The following TANC2 variants were observed in gnomAD, a reference collection of about 807,000 sequenced individuals.
TANC2 encodes the protein tetratricopeptide repeat, ankyrin repeat and coiled-coil containing 2.
TANC2 carries 26 observed loss-of-function variants against 210.5 expected under a neutral mutation model. That is an observed-to-expected ratio of 0.12 (90% confidence interval 0.09 to 0.17). TANC2 has a LOEUF of 0.17. Among genes scored for constraint, TANC2 ranks in the 10% least tolerant of loss-of-function variants. The pLI is 1.00. For synonymous variants in TANC2, 931 were observed against 967.1 expected, an observed-to-expected ratio of 0.96 and a Z score of 0.69; for missense variants, 2,129 against 2,608.9, an observed-to-expected ratio of 0.82 and a Z score of 4.01.
In TANC2 at chr17:63,014,583, T is replaced by G. The variant is rs150495220; in HGVS notation, c.67+4957T>G. ...TGAACTAATTTTTCCGAGTCTGTGT[T>G]ATTGTGCATGGCCACTAATGTCTTT... On this transcript the variant is annotated intron_variant, in intron 2 of 27. Transcript: ENST00000689528. Among the ~76,000 whole-genome samples, 467 of 152,320 alleles carry G rather than the reference T, an allele frequency of 3.1e-3. 3 individuals carry two copies. Among genetic ancestry groups the G allele is most frequent in the Admixed American group, 4.0e-3 (61 of 15,298 alleles).
intron 4 of TANC2, chr17:63,149,213 C>T (rs1006675751): frequency 9.9e-5 from 15 of 151,980 alleles, no homozygotes; most frequent in African/African-American, 3.6e-4. Flanking sequence ...ATTTTTTTTC[C>T]TCTGCCAGAT....
At chr17:63,021,352 T>C (rs1010157175) in intron 2 of TANC2, among the ~76,000 whole-genome samples, 2 of 152,218 alleles carry the variant, frequency 1.3e-5, no homozygotes, top group Admixed American at 1.3e-4. Flanking sequence ...GTAGTACCTT[T>C]AAGAGATGAG....
chr17:63,392,633 G>C (rs1223226294), intron 17 of TANC2, among the ~76,000 whole-genome samples: 1 of 152,054 alleles, frequency 6.6e-6, no homozygotes, highest in Non-Finnish European at 1.5e-5. Context: ...AGCTTTTGTA[G>C]AGCTTTTATT....
intron 7 of TANC2, among the ~76,000 whole-genome samples, chr17:63,224,837 C>G (rs918329704): frequency 6.6e-6 from 1 of 152,126 alleles, no homozygotes; most frequent in Non-Finnish European, 1.5e-5. Flanking sequence ...TAATCTCCAC[C>G]ACCATGAATC....
At chr17:63,389,669 A>T in intron 17 of TANC2, 125 bp downstream of exon 17, 1 of 954,666 alleles carries the variant, frequency 1.0e-6, no homozygotes, top group South Asian at 1.5e-5. Flanking sequence ...TGGAGAGGAG[A>T]TCAGAGAGAG....
intron 1 of TANC2, among the ~76,000 whole-genome samples, chr17:62,993,082 C>G (rs1302034534): frequency 2.6e-5 from 4 of 152,152 alleles, no homozygotes; most frequent in Non-Finnish European, 4.4e-5. Flanking sequence ...CTTCTACTTC[C>G]CTTTTCCATT....
intron 1 of TANC2, among the ~76,000 whole-genome samples, chr17:62,975,421 G>T (rs1384193485): frequency 1.3e-5 from 2 of 152,148 alleles, no homozygotes; most frequent in African/African-American, 2.4e-5. Flanking sequence ...TAGTGTGAAT[G>T]AATGTAAATA....
chr17:63,164,955 C>T (rs894696114), intron 5 of TANC2, among the ~76,000 whole-genome samples: 2 of 152,112 alleles, frequency 1.3e-5, no homozygotes, highest in Admixed American at 1.3e-4. Context: ...CTCTCTTAGC[C>T]CAGTCAGGTT....
At chr17:62,969,918 G>A (rs1158911123) in intron 1 of TANC2, among the ~76,000 whole-genome samples, 2 of 152,134 alleles carry the variant, frequency 1.3e-5, no homozygotes, top group Non-Finnish European at 2.9e-5. Context: ...TACCTCTAAT[G>A]TCAACAAATG....
chr17:63,269,871 C>T (rs922488303), intron 9 of TANC2, among the ~76,000 whole-genome samples: 2 of 152,132 alleles, frequency 1.3e-5, no homozygotes, highest in Non-Finnish European at 2.9e-5. Flanking sequence ...TCACCTAAAT[C>T]TTTAGGAAGG....
At chr17:63,106,279 G>A (rs1319247) in intron 4 of TANC2, among the ~76,000 whole-genome samples, 4 of 151,570 alleles carry the variant, frequency 2.6e-5, no homozygotes, top group African/African-American at 4.9e-5. Flanking sequence ...ACCAGAGCTC[G>A]ACAGTAAAGT....
intron 5 of TANC2, among the ~76,000 whole-genome samples, chr17:63,176,846 G>T (rs1434334057): frequency 6.6e-6 from 1 of 150,826 alleles, no homozygotes; most frequent in African/African-American, 2.4e-5. Context: ...ATCAGTGGTT[G>T]CCTGGGACTA....
At chr17:63,191,443 A>C (rs1302265472) in intron 5 of TANC2, among the ~76,000 whole-genome samples, 1 of 151,720 alleles carries the variant, frequency 6.6e-6, no homozygotes, top group African/African-American at 2.4e-5. Context: ...TATATTTCAG[A>C]TATTCCCACC....
chr17:63,412,173 C>T lies in TANC2; in HGVS notation c.3898+43C>T. 1 of 1,613,006 alleles carries T rather than the reference C, an allele frequency of 6.2e-7. No individual in the cohort carries two copies. Among genetic ancestry groups the T allele is most frequent in the South Asian group, 1.1e-5 (1 of 90,888 alleles). ...GATGTTGGCCATCTGTGCCCAGGGG[C>T]CAGACTGGTCCAGTGGTCTGGCTGC... On this transcript the variant is annotated intron_variant, in intron 23 of 27. Coordinates refer to ENST00000689528, the Ensembl canonical transcript of TANC2. The surrounding 1 kb of genome is among the most constrained non-coding windows in gnomAD (Gnocchi z 4.2).
At chr17:63,005,896 TTGTGTGTGTGTGTGTGTG>T (rs56763847) in intron 1 of TANC2, among the ~76,000 whole-genome samples, 28 of 132,842 alleles carry the variant, frequency 2.1e-4, no homozygotes, top group South Asian at 7.9e-4. Context: ...GCTGTATAGT[TTGTGTGTGTGTGTGTGTG>T]TGTGTGTGTG....
intron 5 of TANC2, among the ~76,000 whole-genome samples, chr17:63,165,059 A>G (rs1276251918): frequency 6.6e-6 from 1 of 152,074 alleles, no homozygotes; most frequent in Non-Finnish European, 1.5e-5. Flanking sequence ...AGGTGGGAGA[A>G]TCGCTTAAGG....
chr17:63,092,385 AT>A lies in TANC2; in HGVS notation c.140-6778del, dbSNP rs537445302. ...CTTGTCAGCACTCGGTTTTGCTGGTATTTTTTTTTTTTAGCCATTTTACTAG... is the reference window on the plus strand; with the variant it reads ...CTTGTCAGCACTCGGTTTTGCTGGTATTTTTTTTTTTAGCCATTTTACTAG... On this transcript the variant is annotated intron_variant, in intron 3 of 27. Coordinates refer to ENST00000689528, the Ensembl canonical transcript of TANC2. Among the ~76,000 whole-genome samples, 158 of 144,276 alleles carry A rather than the reference AT, an allele frequency of 1.1e-3. 1 individual carries two copies. The highest frequency in any genetic ancestry group is 3.7e-3 in the Middle Eastern group (1 of 272). 94.7% of individuals were successfully genotyped at this position (144,276 alleles called of 152,430 possible).
At chr17:63,038,671 A>G (rs758126705) in intron 2 of TANC2, among the ~76,000 whole-genome samples, 42 of 152,094 alleles carry the variant, frequency 2.8e-4, no homozygotes, top group Non-Finnish European at 5.7e-4. Flanking sequence ...TTTTTTTTTA[A>G]ACTATAGACT....
chr17:63,177,117 T>C lies in TANC2; in HGVS notation c.434-16874T>C, dbSNP rs570340856. On this transcript the variant is annotated intron_variant, in intron 5 of 27. Transcript: ENST00000689528. Reference sequence around the variant, plus strand: ...CATCTCTACTAAAAATACAAAAAATTAGCTGGGCATGGTGGCACACACCTG... The same window carrying C: ...CATCTCTACTAAAAATACAAAAAATCAGCTGGGCATGGTGGCACACACCTG... 3.4e-4 allele frequency among the ~76,000 whole-genome samples: 52 copies of C among 151,234 alleles called. 2 individuals carry two copies. In the South Asian group the frequency reaches 4.6e-3, roughly 13 times the overall value.
Sources: gnomAD v4.1 joint callset for allele counts (sites outside exome capture counted in the v4.1 genomes callset) on GRCh38, gnomAD v4.1.1 for gene constraint, Gnocchi (gnomAD v3.1) non-coding constraint, MANE v1.5 for transcripts, NCBI Gene and HGNC (gene_info 2026-07-23, HGNC 2026-07-21) for gene names.